The following OSBPL9 variants were observed in gnomAD, a reference collection of about 807,000 sequenced individuals.
The protein encoded by OSBPL9 is oxysterol-binding protein-related protein 9.
Under a neutral mutation model 106.6 loss-of-function variants are expected in OSBPL9, and 40 were observed. That is an observed-to-expected ratio of 0.38 (90% CI 0.29 to 0.49). OSBPL9 has a LOEUF of 0.49. Ranked by LOEUF, OSBPL9 falls within the 20% of genes least tolerant of loss-of-function variation. The pLI is 0.97. For synonymous variants in OSBPL9, 269 were observed against 295.4 expected (o/e 0.91, Z 0.92); for missense variants, 609 against 887.2 (o/e 0.69, Z 3.98).
intron 6 of OSBPL9, among the ~76,000 whole-genome samples, chr1:51,747,798 G>A (rs1668339845): frequency 6.6e-6 from 1 of 152,044 alleles, no homozygotes; most frequent in East Asian, 1.9e-4. Flanking sequence ...GTTGTTTTTT[G>A]TTTTGTTTTG....
chr1:51,539,763 C>T, the OSBPL9 span, among the ~76,000 whole-genome samples: 261 of 152,240 alleles, frequency 1.7e-3, 1 homozygote, highest in African/African-American at 5.9e-3. Context: ...AGGTTTGAAC[C>T]CAGGTTGACT....
At chr1:51,681,193 T>C (rs1159225728) in intron 3 of OSBPL9, among the ~76,000 whole-genome samples, 1 of 152,190 alleles carries the variant, frequency 6.6e-6, no homozygotes, top group Non-Finnish European at 1.5e-5. Context: ...GATTAAGATA[T>C]ATAGACAAAA....
chr1:51,600,667 G>T (rs1223394066), intron 2 of OSBPL9, among the ~76,000 whole-genome samples: 1 of 152,098 alleles, frequency 6.6e-6, no homozygotes, highest in Non-Finnish European at 1.5e-5. Flanking sequence ...ACCTCATCTA[G>T]TTCTCATTTC....
the OSBPL9 span, among the ~76,000 whole-genome samples, chr1:51,529,919 C>G: frequency 6.6e-6 from 1 of 151,496 alleles, no homozygotes; most frequent in African/African-American, 2.4e-5. Context: ...CGCCTGTAAA[C>G]CCAGCACTTT....
At chr1:51,702,775 A>T (rs950061226) in intron 3 of OSBPL9, among the ~76,000 whole-genome samples, 4 of 152,156 alleles carry the variant, frequency 2.6e-5, no homozygotes, top group African/African-American at 9.7e-5. Context: ...TTATGGTTTT[A>T]GGTCTAACAT....
At chr1:51,561,854 CTG>C in the OSBPL9 span, 1 of 152,192 alleles carries the variant, frequency 6.6e-6, no homozygotes, top group African/African-American at 2.4e-5. Flanking sequence ...AACTGAGAGA[CTG>C]TGGCTCAGTG....
chr1:51,536,929 A>AT, the OSBPL9 span, among the ~76,000 whole-genome samples: 2 of 152,120 alleles, frequency 1.3e-5, no homozygotes, highest in African/African-American at 2.4e-5. Context: ...ACTGTAGAGT[A>AT]TTTTTTCCTG....
At chr1:51,600,582 C>G (rs188750429) in intron 2 of OSBPL9, among the ~76,000 whole-genome samples, 98 of 152,170 alleles carry the variant, frequency 6.4e-4, no homozygotes, top group Middle Eastern at 3.4e-3. Flanking sequence ...TTCTTAGGCT[C>G]CTGTAAGTAT....
intron 8 of OSBPL9, among the ~76,000 whole-genome samples, chr1:51,755,734 A>G (rs1670204758): frequency 6.6e-6 from 1 of 152,246 alleles, no homozygotes. Context: ...TTGGTAGGTT[A>G]GATGAATTAA....
the OSBPL9 span, among the ~76,000 whole-genome samples, chr1:51,532,005 A>C: frequency 2.0e-5 from 3 of 152,192 alleles, no homozygotes; most frequent in African/African-American, 7.2e-5. Context: ...AAGGAGTGAG[A>C]AAGCATGTCA....
At chr1:51,542,363 C>G in the OSBPL9 span, among the ~76,000 whole-genome samples, 2 of 152,322 alleles carry the variant, frequency 1.3e-5, no homozygotes, top group Admixed American at 6.5e-5. Flanking sequence ...CATCCCAGAT[C>G]TCTAGACTCC....
intron 14 of OSBPL9, 88 bp from the exon 15 acceptor site, chr1:51,776,745 G>A: frequency 1.1e-6 from 1 of 893,550 alleles, no homozygotes; most frequent in Non-Finnish European, 1.7e-6. Context: ...ATGAGGTGGT[G>A]TTTTGTTTTG....
At chr1:51,589,080 TTTTTC>T (rs571600127) in intron 1 of OSBPL9, among the ~76,000 whole-genome samples, 146 of 149,974 alleles carry the variant, frequency 9.7e-4, no homozygotes, top group African/African-American at 3.2e-3. Flanking sequence ...TACATTTTTC[TTTTTC>T]TTTTCTTTTC....
the OSBPL9 span, among the ~76,000 whole-genome samples, chr1:51,555,600 C>T: frequency 6.6e-6 from 1 of 152,114 alleles, no homozygotes; most frequent in Non-Finnish European, 1.5e-5. Flanking sequence ...GGGAGTCTTG[C>T]TCTGTCGCCC....
the OSBPL9 span, among the ~76,000 whole-genome samples, chr1:51,564,396 T>C: frequency 6.6e-6 from 1 of 152,176 alleles, no homozygotes; most frequent in Non-Finnish European, 1.5e-5. Context: ...TAGGTCCCTC[T>C]TCTTGAAGGC....
At chr1:51,667,872 C>A (rs561288093) in intron 2 of OSBPL9, among the ~76,000 whole-genome samples, 1 of 152,312 alleles carries the variant, frequency 6.6e-6, no homozygotes, top group East Asian at 1.9e-4. Context: ...ATTATACTCT[C>A]TGGAGACACT....
At chr1:51,549,671 A>G in the OSBPL9 span, among the ~76,000 whole-genome samples, 2 of 152,222 alleles carry the variant, frequency 1.3e-5, no homozygotes, top group African/African-American at 4.8e-5. Context: ...GTCTCTACTA[A>G]AAATACAAAA....
intron 3 of OSBPL9, among the ~76,000 whole-genome samples, chr1:51,712,953 A>G (rs912437733): frequency 1.3e-5 from 2 of 152,076 alleles, no homozygotes; most frequent in Non-Finnish European, 2.9e-5. Flanking sequence ...AGGCATCAAG[A>G]TTTTTCTGGG....
chr1:51,615,507 T>G (rs1644031185), upstream of OSBPL9, among the ~76,000 whole-genome samples: 1 of 152,212 alleles, frequency 6.6e-6, no homozygotes, highest in African/African-American at 2.4e-5. Flanking sequence ...GGTCTCAATC[T>G]TATGAAGGGC....
Sources: allele counts gnomAD v4.1 joint callset (sites outside exome capture counted in the v4.1 genomes callset), GRCh38; gene constraint gnomAD v4.1.1; transcripts MANE v1.5; gene names NCBI Gene and HGNC (gene_info 2026-07-23, HGNC 2026-07-21).